The following ABLIM2 variants were observed in gnomAD, a reference collection of about 807,000 sequenced individuals.
ABLIM2 encodes the protein actin binding LIM protein family member 2.
Under a neutral mutation model 97.7 loss-of-function variants are expected in ABLIM2, and 53 were observed. The observed-to-expected ratio is 0.54, with a 90% CI of 0.44 to 0.68. ABLIM2 has a LOEUF of 0.68. Among genes scored for constraint, ABLIM2 ranks in the 30% least tolerant of loss-of-function variants. The probability of loss-of-function intolerance (pLI) is 0.00; values close to 1 mark genes in which losing one functional copy is unlikely to be tolerated. For missense variants in ABLIM2, 835 were observed against 867.2 expected, an observed-to-expected ratio of 0.96 and a Z score of 0.47; for synonymous variants, 361 against 345.8, an observed-to-expected ratio of 1.04 and a Z score of -0.49.
At position 8,030,244 on chromosome 4, in the gene ABLIM2, G is replaced by A. The variant is rs139941166; in HGVS notation, c.1048-468C>T. Among the ~76,000 whole-genome samples, 223 of 152,274 alleles carry A rather than the reference G, an allele frequency of 1.5e-3. 1 individual carries two copies. Among genetic ancestry groups the A allele is most frequent in the African/African-American group, 4.8e-3 (199 of 41,560 alleles). On this transcript the variant is annotated intron_variant, in intron 10 of 20. Transcript: ENST00000447017. ...GTAGAAAGTTACTCCACCCCAGGCCGGGAAGCCCAGTTGAGTCAGACCCAC... is the reference window on the plus strand; with the variant it reads ...GTAGAAAGTTACTCCACCCCAGGCCAGGAAGCCCAGTTGAGTCAGACCCAC...
Position 8,127,651 on chromosome 4 carries a change from G to A in ABLIM2, c.11-21014C>T, listed in dbSNP as rs993754200. 2.1e-5 allele frequency: 27 copies of A among 1,284,474 alleles called. No individual in the cohort carries two copies. In the Admixed American group the frequency reaches 2.5e-4, roughly 12 times the overall value. 79.6% of individuals were successfully genotyped at this position (1,284,474 alleles called of 1,614,324 possible). ...CTGGGCCTGGCACCCACGGAGGATC[G>A]GGCAGGAGTGGACCGGGGAAGAGCC... On this transcript the variant is annotated intron_variant, in intron 1 of 20. Transcript: ENST00000447017. The surrounding 1 kb of genome is among the most constrained non-coding windows in gnomAD (Gnocchi z 7.3).
At chr4:8,010,326 C>T in intron 14 of ABLIM2, 5 of 975,746 alleles carry the variant, frequency 5.1e-6, no homozygotes, top group Non-Finnish European at 6.1e-6. Flanking sequence ...CTTACAGAAA[C>T]ACTGACCCCA....
At chr4:7,980,724 A>G (rs1337455395) in intron 20 of ABLIM2, among the ~76,000 whole-genome samples, 1 of 151,620 alleles carries the variant, frequency 6.6e-6, no homozygotes, top group Non-Finnish European at 1.5e-5. Context: ...CAAAGAAAAA[A>G]AAAAAAAGAC....
rs1782533139 is a variant in ABLIM2, at chr4:8,033,842, G to C, written c.1047+2307C>G. 6.6e-6 allele frequency among the ~76,000 whole-genome samples: 1 copy of C among 152,220 alleles called. No individual in the cohort carries two copies. The highest frequency in any genetic ancestry group is 2.1e-4 in the South Asian group (1 of 4,834). On this transcript the variant is annotated intron_variant, in intron 10 of 20. Coordinates refer to ENST00000447017, the MANE Select transcript of ABLIM2 (RefSeq NM_001130083.2). This position sits in a 1 kb window ranked among gnomAD's most constrained non-coding sequence, Gnocchi z 4.5. ...ACTTGGGCCTGGAAGCTGTGTCCTGGTCATACCATGAGACCCTGGAGCAGG... is the reference window on the plus strand; with the variant it reads ...ACTTGGGCCTGGAAGCTGTGTCCTGCTCATACCATGAGACCCTGGAGCAGG...
chr4:8,075,390 G>C lies in ABLIM2; in HGVS notation c.675+2238C>G, dbSNP rs1425406642. On this transcript the variant is annotated intron_variant, in intron 6 of 20. Transcript: ENST00000447017. The surrounding 1 kb of genome is among the most constrained non-coding windows in gnomAD (Gnocchi z 4.4). Reference sequence around the variant, plus strand: ...ATGGCTGCAAATATCTATGGTTATTGATAAAGAAAACCATTGAATGGGCTG... The same window carrying C: ...ATGGCTGCAAATATCTATGGTTATTCATAAAGAAAACCATTGAATGGGCTG... Among the ~76,000 whole-genome samples, 1 of 152,152 alleles carries C rather than the reference G, an allele frequency of 6.6e-6. No individual in the cohort carries two copies. Among genetic ancestry groups the C allele is most frequent in the Non-Finnish European group, 1.5e-5 (1 of 68,038 alleles).
chr4:8,156,835 T>C (rs1413404664), intron 1 of ABLIM2, among the ~76,000 whole-genome samples: 1 of 152,226 alleles, frequency 6.6e-6, no homozygotes, highest in East Asian at 1.9e-4. Context: ...CAAGGGACCA[T>C]GCTGTCTGCT....
intron 8 of ABLIM2, among the ~76,000 whole-genome samples, chr4:8,052,020 A>G (rs756948652): frequency 6.6e-6 from 1 of 151,962 alleles, no homozygotes; most frequent in Non-Finnish European, 1.5e-5. Flanking sequence ...CTTTCTCTCT[A>G]CCAGGGAGCT....
chr4:8,014,440 G>A (rs1247549315), intron 14 of ABLIM2, among the ~76,000 whole-genome samples: 1 of 152,200 alleles, frequency 6.6e-6, no homozygotes, highest in Non-Finnish European at 1.5e-5. Flanking sequence ...CATTGAATTG[G>A]AATGACATTG....
At position 8,158,432 on chromosome 4, in the gene ABLIM2, C is replaced by T. The variant is rs144885928; in HGVS notation, c.10+248G>A. ...AAGGGGCGCCTTCCAGACATCCTGG[C>T]GCAGCCACGCCGGCCGGCGCGCTGG... On this transcript the variant is annotated intron_variant, in intron 1 of 20. Transcript: ENST00000447017. Among the ~76,000 whole-genome samples the T allele has an allele frequency of 3.5e-3, 530 of 152,312 alleles. 4 individuals are homozygous for T. Among genetic ancestry groups the T allele is most frequent in the African/African-American group, 8.6e-3 (356 of 41,584 alleles).
intron 16 of ABLIM2, among the ~76,000 whole-genome samples, chr4:8,000,339 C>A (rs533647963): frequency 1.3e-5 from 2 of 152,158 alleles, no homozygotes; most frequent in African/African-American, 4.8e-5. Context: ...CGTGTGCTCA[C>A]GTGCAAGCTC....
chr4:8,129,283 A>C lies in ABLIM2; in HGVS notation c.11-22646T>G, dbSNP rs1428193232. ...ATACGTATGCCCCGCCCCCTCTGTG[A>C]CTCACTCAAATCCCCTGCACAAGTG... is the stretch of plus-strand genomic sequence containing the variant. On this transcript the variant is annotated intron_variant, in intron 1 of 20. Coordinates refer to ENST00000447017, the MANE Select transcript of ABLIM2 (RefSeq NM_001130083.2). 9.7e-4 allele frequency among the ~76,000 whole-genome samples: 148 copies of C among 152,234 alleles called. 1 individual carries two copies. Among genetic ancestry groups the C allele is most frequent in the Non-Finnish European group, 4.1e-4 (28 of 68,018 alleles).
chr4:8,054,052 G>T lies in ABLIM2; in HGVS notation c.822+136C>A. 2.2e-6 allele frequency: 2 copies of T among 910,688 alleles called. No individual in the cohort carries two copies. The highest frequency in any genetic ancestry group is 3.5e-6 in the Non-Finnish European group (2 of 567,322). The allele number at this position is 910,688 out of a possible 1,614,324, so 56.4% of individuals were successfully genotyped here. ...CTTGTTTACCCTCCCCACCTCCTAA[G>T]CCTGGCTGCCCCCATCCTGCAGCCC... On this transcript the variant is annotated intron_variant, in intron 8 of 20. Transcript: ENST00000447017. This position sits in a 1 kb window ranked among gnomAD's most constrained non-coding sequence, Gnocchi z 4.9.
intron 6 of ABLIM2, chr4:8,066,732 G>A (rs529900297): frequency 6.6e-6 from 1 of 152,214 alleles, no homozygotes; most frequent in Admixed American, 6.5e-5. Flanking sequence ...GTGAGTGGCT[G>A]CCAGAGGCTG....
chr4:7,979,624 T>C (rs530214477), intron 20 of ABLIM2, among the ~76,000 whole-genome samples: 1 of 152,342 alleles, frequency 6.6e-6, no homozygotes, highest in East Asian at 1.9e-4. Context: ...ACGTTGTAAA[T>C]GACCAAAGGG....
intron 1 of ABLIM2, among the ~76,000 whole-genome samples, chr4:8,144,943 C>T (rs1561631791): frequency 6.6e-6 from 1 of 152,240 alleles, no homozygotes; most frequent in Admixed American, 6.5e-5. Context: ...GAGACACGCT[C>T]TGGGGAGGCG....
chr4:7,977,790 CAATAAATAAATA>C (rs10660218), intron 20 of ABLIM2, among the ~76,000 whole-genome samples: 6 of 142,206 alleles, frequency 4.2e-5, no homozygotes, highest in Non-Finnish European at 9.2e-5. Context: ...GACTCTGTCT[CAATAAATAAATA>C]AATAAATAAA....
At chr4:8,009,884 ACCT>A (rs1209076208) in intron 14 of ABLIM2, among the ~76,000 whole-genome samples, 1 of 152,110 alleles carries the variant, frequency 6.6e-6, no homozygotes, top group Non-Finnish European at 1.5e-5. Context: ...GACATGGTAT[ACCT>A]CGCCCAAGGT....
rs1774935110 is a variant in ABLIM2 at position 8,023,027 on chromosome 4, C to CTTT, written c.1268-2727_1268-2725dup. ...TCCTCTTCCTCCTTCACTTTTTCCTCTTTCTCCTCCTCCTCCTCCTTCTTC... is the reference window on the plus strand; with the variant it reads ...TCCTCTTCCTCCTTCACTTTTTCCTCTTTTTTCTCCTCCTCCTCCTCCTTCTTC... On this transcript the variant is annotated intron_variant, in intron 12 of 20. Coordinates refer to ENST00000447017, the MANE Select transcript of ABLIM2 (RefSeq NM_001130083.2). This position sits in a 1 kb window ranked among gnomAD's most constrained non-coding sequence, Gnocchi z 5.7. 6.6e-6 allele frequency: 1 copy of CTTT among 152,262 alleles called. No individual in the cohort carries two copies. The highest frequency in any genetic ancestry group is 2.4e-5 in the African/African-American group (1 of 40,950). The allele number at this position is 152,262 out of a possible 1,614,324, so 9.4% of individuals were successfully genotyped here.
intron 1 of ABLIM2, among the ~76,000 whole-genome samples, chr4:8,111,428 T>C (rs1046261385): frequency 2.2e-4 from 34 of 152,206 alleles, no homozygotes; most frequent in African/African-American, 7.0e-4. Flanking sequence ...TCCAAACCCA[T>C]AGAACCTATA....
Sources: allele counts gnomAD v4.1 joint callset (sites outside exome capture counted in the v4.1 genomes callset), GRCh38; gene constraint gnomAD v4.1.1; non-coding constraint Gnocchi (gnomAD v3.1); transcripts MANE v1.5; gene names NCBI Gene and HGNC (gene_info 2026-07-23, HGNC 2026-07-21).